The following ARL15 variants were observed in gnomAD, a reference collection of about 807,000 sequenced individuals.
ARL15 encodes the protein ARF like GTPase 15.
ARL15 carries 19 observed loss-of-function variants against 25.2 expected under a neutral mutation model. The ratio of observed to expected loss-of-function variants is 0.75; its 90% CI spans 0.53 to 1.10. ARL15 has a LOEUF of 1.10. Among genes scored for constraint, ARL15 ranks in the 50% least tolerant of loss-of-function variants. The pLI, the probability that ARL15 is intolerant of heterozygous loss-of-function variation, is 0.00. For missense variants in ARL15, 220 were observed against 246.0 expected (o/e 0.89, Z 0.71); for synonymous variants, 94 against 86.8 (o/e 1.08, Z -0.46).
intron 1 of ARL15, among the ~76,000 whole-genome samples, chr5:54,258,884 A>G (rs555302851): frequency 6.6e-6 from 1 of 152,362 alleles, no homozygotes; most frequent in African/African-American, 2.4e-5. Context: ...GGAGAACATG[A>G]TGCCAGAGGT....
chr5:54,181,596 A>G (rs1005523633), intron 1 of ARL15, among the ~76,000 whole-genome samples: 1 of 152,208 alleles, frequency 6.6e-6, no homozygotes, highest in Non-Finnish European at 1.5e-5. Flanking sequence ...GGCATTTTCT[A>G]TATTTTAAAG....
chr5:54,096,470 G>A (rs1752290249), intron 4 of ARL15, among the ~76,000 whole-genome samples: 1 of 152,182 alleles, frequency 6.6e-6, no homozygotes, highest in Non-Finnish European at 1.5e-5. Flanking sequence ...CTGGAGTGCA[G>A]TGGTGCCATC....
chr5:54,043,216 T>A (rs970825822), intron 4 of ARL15, among the ~76,000 whole-genome samples: 1 of 147,520 alleles, frequency 6.8e-6, no homozygotes, highest in African/African-American at 2.5e-5. Context: ...TTTTTTTTTT[T>A]AGTACTTTAT....
At chr5:53,942,671 A>G (rs1337550545) in intron 4 of ARL15, among the ~76,000 whole-genome samples, 2 of 152,072 alleles carry the variant, frequency 1.3e-5, no homozygotes, top group Admixed American at 6.6e-5. Flanking sequence ...GCTTGAACCC[A>G]GGAGGTGGAG....
intron 3 of ARL15, among the ~76,000 whole-genome samples, chr5:54,130,075 C>T (rs1373519850): frequency 1.3e-5 from 2 of 151,888 alleles, no homozygotes; most frequent in African/African-American, 2.4e-5. Flanking sequence ...CTCGTCTCTA[C>T]AAAAAGTAAA....
chr5:54,026,242 A>T (rs1278750835), intron 4 of ARL15, among the ~76,000 whole-genome samples: 1 of 152,182 alleles, frequency 6.6e-6, no homozygotes, highest in Admixed American at 6.5e-5. Context: ...AATCTGTCAC[A>T]TACCAAAATT....
At chr5:54,065,707 C>T (rs530598332) in intron 4 of ARL15, among the ~76,000 whole-genome samples, 27 of 147,508 alleles carry the variant, frequency 1.8e-4, no homozygotes, top group Middle Eastern at 3.5e-3. Context: ...AACCAAAAAA[C>T]AACAACTACA....
At chr5:54,295,459 A>AC (rs1035701841) in intron 1 of ARL15, among the ~76,000 whole-genome samples, 1 of 152,182 alleles carries the variant, frequency 6.6e-6, no homozygotes, top group African/African-American at 2.4e-5. Flanking sequence ...AAGTGATGCT[A>AC]CCCACAGCCC....
At chr5:53,976,549 G>A (rs958842338) in intron 4 of ARL15, among the ~76,000 whole-genome samples, 1 of 152,178 alleles carries the variant, frequency 6.6e-6, no homozygotes, top group Non-Finnish European at 1.5e-5. Flanking sequence ...AAATAACTTG[G>A]GCAAATGTGG....
chr5:54,091,417 T>C (rs961859150), intron 4 of ARL15, among the ~76,000 whole-genome samples: 1 of 152,154 alleles, frequency 6.6e-6, no homozygotes, highest in Non-Finnish European at 1.5e-5. Context: ...ATAAGGTCGG[T>C]AAAGAAATTT....
At position 54,013,987 on chromosome 5, in the gene ARL15, T is replaced by C. The variant is rs528462173; in HGVS notation, c.462+99215A>G. Among the ~76,000 whole-genome samples, 233 of 152,324 alleles carry C rather than the reference T, an allele frequency of 1.5e-3. 2 individuals are homozygous for C. The highest frequency in any genetic ancestry group is 5.5e-3 in the African/African-American group (228 of 41,572). ...AATGCAATAATGCTGTCTCAGTGAATTGGCTTCATCTGCACAGTGGGTAAG... is the reference window on the plus strand; with the variant it reads ...AATGCAATAATGCTGTCTCAGTGAACTGGCTTCATCTGCACAGTGGGTAAG... On this transcript the variant is annotated intron_variant, in intron 4 of 4. Transcript: ENST00000504924.
intron 4 of ARL15, among the ~76,000 whole-genome samples, chr5:54,054,152 C>T (rs1303124011): frequency 6.6e-6 from 1 of 152,198 alleles, no homozygotes; most frequent in Admixed American, 6.5e-5. Context: ...CCATCTCTCC[C>T]CTTACTTCCG....
intron 4 of ARL15, among the ~76,000 whole-genome samples, chr5:54,080,364 G>A (rs948720554): frequency 1.3e-5 from 2 of 152,212 alleles, no homozygotes; most frequent in Non-Finnish European, 2.9e-5. Flanking sequence ...TGGTATTCAA[G>A]TTACTTTTTC....
intron 1 of ARL15, among the ~76,000 whole-genome samples, chr5:54,191,098 T>C (rs1452710767): frequency 6.6e-6 from 1 of 152,204 alleles, no homozygotes; most frequent in Non-Finnish European, 1.5e-5. Flanking sequence ...AAATGTGATA[T>C]ATACATATAA....
At chr5:54,188,021 T>C (rs1755287701) in intron 1 of ARL15, among the ~76,000 whole-genome samples, 1 of 152,208 alleles carries the variant, frequency 6.6e-6, no homozygotes, top group Non-Finnish European at 1.5e-5. Flanking sequence ...ATTCTGGTTT[T>C]TGACATGTTT....
intron 1 of ARL15, among the ~76,000 whole-genome samples, chr5:54,244,434 T>C (rs1056286994): frequency 1.3e-5 from 2 of 152,134 alleles, no homozygotes; most frequent in Non-Finnish European, 2.9e-5. Flanking sequence ...ACAGAACTAC[T>C]GAACAAAATG....
chr5:54,124,915 C>A (rs1753197563), intron 3 of ARL15, among the ~76,000 whole-genome samples: 2 of 152,186 alleles, frequency 1.3e-5, no homozygotes, highest in South Asian at 4.2e-4. Context: ...TGATATTGAC[C>A]CCTGGTGTAA....
At chr5:54,165,031 T>C (rs1754525944) in intron 2 of ARL15, among the ~76,000 whole-genome samples, 1 of 151,996 alleles carries the variant, frequency 6.6e-6, no homozygotes. Flanking sequence ...TTTGTTTTGT[T>C]ATTTTATTGG....
At chr5:54,181,594 C>A (rs138154340) in intron 1 of ARL15, among the ~76,000 whole-genome samples, 288 of 152,254 alleles carry the variant, frequency 1.9e-3, no homozygotes, top group African/African-American at 6.5e-3. Flanking sequence ...AGGGCATTTT[C>A]TATATTTTAA....
Sources: gnomAD v4.1 joint callset for allele counts (sites outside exome capture counted in the v4.1 genomes callset) on GRCh38, gnomAD v4.1.1 for gene constraint, MANE v1.5 for transcripts, NCBI Gene and HGNC (gene_info 2026-07-23, HGNC 2026-07-21) for gene names.